CLIP4: variants seen among roughly 807,000 people sequenced by gnomAD.
The protein encoded by CLIP4 is CAP-Gly domain containing linker protein family member 4, also known as CAP-Gly domain-containing linker protein 4.
A neutral mutation model predicts 73.1 loss-of-function variants in CLIP4; 47 were observed. The ratio of observed to expected loss-of-function variants is 0.64; its 90% CI spans 0.51 to 0.82. The LOEUF is 0.82. Among genes scored for constraint, CLIP4 ranks in the 40% least tolerant of loss-of-function variants. CLIP4 has a pLI of 0.00. For missense variants in CLIP4, 874 were observed against 852.9 expected (o/e 1.02, Z -0.31); for synonymous variants, 306 against 295.4 (o/e 1.04, Z -0.37).
At chr2:29,109,708 T>C (rs1668335213) in intron 1 of CLIP4, among the ~76,000 whole-genome samples, 2 of 152,104 alleles carry the variant, frequency 1.3e-5, no homozygotes, top group East Asian at 1.9e-4. Context: ...TGTAGGAACA[T>C]GCAAATTCCT....
intron 2 of CLIP4, among the ~76,000 whole-genome samples, chr2:29,124,593 GTTGT>G: frequency 1.0e-5 from 1 of 96,254 alleles, no homozygotes; most frequent in Middle Eastern, 4.5e-3. Flanking sequence ...ACTGCTTGAA[GTTGT>G]CCCATAACTC....
upstream of CLIP4, chr2:29,115,183 G>C (rs1668511241): frequency 6.6e-6 from 1 of 152,458 alleles, no homozygotes; most frequent in Non-Finnish European, 1.5e-5. The surrounding 1 kb of genome is among the most constrained non-coding windows in gnomAD (Gnocchi z 5.1). Context: ...GCAGCTGGTG[G>C]GGGCGCCGCA....
intron 6 of CLIP4, 45 bp from the exon 7 acceptor site, chr2:29,143,664 G>T (rs746874503): frequency 8.0e-7 from 1 of 1,257,166 alleles, no homozygotes; most frequent in Admixed American, 1.7e-5. Flanking sequence ...ACTTTCTAGT[G>T]CTCTAAGTAA....
At chr2:29,146,152 T>C (rs1666150675) in intron 8 of CLIP4, among the ~76,000 whole-genome samples, 2 of 152,260 alleles carry the variant, frequency 1.3e-5, no homozygotes, top group East Asian at 1.9e-4. Context: ...GAGGGGTTTT[T>C]TCGTTAGTAG....
chr2:29,170,380 C>G (rs1424698548), intron 14 of CLIP4, among the ~76,000 whole-genome samples: 1 of 152,194 alleles, frequency 6.6e-6, no homozygotes, highest in African/African-American at 2.4e-5. Context: ...CAACAGCATA[C>G]AACAGTGTCC....
intron 1 of CLIP4, among the ~76,000 whole-genome samples, chr2:29,106,599 G>A (rs1668213949): frequency 6.6e-6 from 1 of 152,178 alleles, no homozygotes; most frequent in African/African-American, 2.4e-5. Context: ...GCAGAGAGAG[G>A]TGATTCTGGG....
At chr2:29,142,234 A>G (rs1572937959) in intron 6 of CLIP4, among the ~76,000 whole-genome samples, 1 of 152,078 alleles carries the variant, frequency 6.6e-6, no homozygotes, top group African/African-American at 2.4e-5. Context: ...GAATTCCACA[A>G]TTGATCATGA....
rs967581613 is a variant in CLIP4, at chr2:29,182,661, A to G, written c.*768A>G. 4.6e-5 allele frequency: 7 copies of G among 152,612 alleles called. No individual in the cohort carries two copies. Among genetic ancestry groups the G allele is most frequent in the Admixed American group, 2.0e-4 (3 of 15,270 alleles). The allele number at this position is 152,612 out of a possible 1,614,324, so 9.5% of individuals were successfully genotyped here. On this transcript the variant is annotated 3_prime_UTR_variant, in exon 16 of 16. Coordinates refer to ENST00000320081, the MANE Select transcript of CLIP4 (RefSeq NM_024692.6). ...TTTTCTTCTGCTGCTTGACTGCTTC[A>G]TCTGGATGAACTACAAAAAACCCAT...
chr2:29,171,662 G>A (rs968795584), intron 14 of CLIP4, among the ~76,000 whole-genome samples: 2 of 151,930 alleles, frequency 1.3e-5, no homozygotes, highest in African/African-American at 4.8e-5. Flanking sequence ...GGGACTACAG[G>A]CACCCACCAC....
chr2:29,142,875 A>G (rs1224617283), intron 6 of CLIP4, among the ~76,000 whole-genome samples: 2 of 152,252 alleles, frequency 1.3e-5, no homozygotes, highest in African/African-American at 4.8e-5. Context: ...CAGATAATTC[A>G]TATGATAGGG....
At position 29,165,817 on chromosome 2, in the gene CLIP4, G is replaced by A. The variant is rs532161076; in HGVS notation, c.1659-1659G>A. ...AGTTCAGTGGTTTTATGCTGTAACA[G>A]CTTTTTCCTCCTCCTTTACGTTGTC... is the stretch of plus-strand genomic sequence containing the variant. On this transcript the variant is annotated intron_variant, in intron 13 of 15. Coordinates refer to ENST00000320081, the MANE Select transcript of CLIP4 (RefSeq NM_024692.6). Among the ~76,000 whole-genome samples the A allele has an allele frequency of 1.3e-3, 196 of 152,240 alleles. 1 individual carries two copies. Among genetic ancestry groups the A allele is most frequent in the Non-Finnish European group, 2.3e-3 (159 of 68,000 alleles).
chr2:29,139,195 G>C lies in CLIP4; in HGVS notation c.648+3529G>C, dbSNP rs537924272. ...TTCCTTCAATGCCTAATTTGTTGAAGGTTTTTTTTTTTTATCATGAAGGGG... is the reference window on the plus strand; with the variant it reads ...TTCCTTCAATGCCTAATTTGTTGAACGTTTTTTTTTTTTATCATGAAGGGG... On this transcript the variant is annotated intron_variant, in intron 6 of 15. Coordinates refer to ENST00000320081, the MANE Select transcript of CLIP4 (RefSeq NM_024692.6). Among the ~76,000 whole-genome samples the C allele has an allele frequency of 4.5e-3, 550 of 121,440 alleles. 3 individuals are homozygous for C. The highest frequency in any genetic ancestry group is 0.018 in the African/African-American group (518 of 28,050). The allele number at this position is 121,440 out of a possible 152,430, so 79.7% of individuals were successfully genotyped here. A position where few individuals can be genotyped will look rare whatever the true frequency, so the allele number is the denominator to read the frequency against.
At chr2:29,156,271 T>C (rs1197586879) in intron 9 of CLIP4, 83 bp from the exon 10 acceptor site, 1 of 824,664 alleles carries the variant, frequency 1.2e-6, no homozygotes, top group Non-Finnish European at 1.8e-6. Context: ...ATTTCGATAA[T>C]GAGGGATGCA....
chr2:29,116,985 CTCTT>C (rs1487317968), intron 1 of CLIP4, among the ~76,000 whole-genome samples: 14 of 152,346 alleles, frequency 9.2e-5, no homozygotes, highest in African/African-American at 2.9e-4. Context: ...ATCAACTTCA[CTCTT>C]TCTCCCTGTT....
In CLIP4 at chr2:29,119,888, T is replaced by C. The variant is rs553951575; in HGVS notation, c.-15-1486T>C. Among the ~76,000 whole-genome samples, 7 of 152,340 alleles carry C rather than the reference T, an allele frequency of 4.6e-5. No homozygotes were observed. The South Asian group carries it at 1.5e-3, about 32-fold the overall frequency. ...GCAGATCCCATTCTGCCTCATAATCTATAGTTATTAGTGGTATTTTATTCA... is the reference window on the plus strand; with the variant it reads ...GCAGATCCCATTCTGCCTCATAATCCATAGTTATTAGTGGTATTTTATTCA... On this transcript the variant is annotated intron_variant, in intron 1 of 15. Coordinates refer to ENST00000320081, the MANE Select transcript of CLIP4 (RefSeq NM_024692.6).
At chr2:29,167,355 G>T in intron 13 of CLIP4, 121 bp from the exon 14 acceptor site, 2 of 520,208 alleles carry the variant, frequency 3.8e-6, no homozygotes, top group Non-Finnish European at 6.7e-6. Flanking sequence ...GCTTAAAATG[G>T]ACCCTCCATA....
chr2:29,133,934 A>G (rs1203797729), intron 5 of CLIP4, 118 bp downstream of exon 5: 2 of 785,828 alleles, frequency 2.5e-6, no homozygotes, highest in East Asian at 2.8e-5. Context: ...ATGCCTTTCT[A>G]CTCCATTTTA....
intron 2 of CLIP4, among the ~76,000 whole-genome samples, chr2:29,122,174 T>A (rs1351052234): frequency 6.6e-6 from 1 of 152,166 alleles, no homozygotes; most frequent in African/African-American, 2.4e-5. Context: ...TATAAAGTTA[T>A]TGGACTGAGA....
intron 1 of CLIP4, among the ~76,000 whole-genome samples, chr2:29,099,871 T>A (rs1226465263): frequency 1.3e-5 from 2 of 152,232 alleles, no homozygotes; most frequent in Non-Finnish European, 2.9e-5. Context: ...ATCAGAATTT[T>A]ATCATTTTCC....
Sources: gnomAD v4.1 joint callset for allele counts (sites outside exome capture counted in the v4.1 genomes callset) on GRCh38, gnomAD v4.1.1 for gene constraint, Gnocchi (gnomAD v3.1) non-coding constraint, MANE v1.5 for transcripts, NCBI Gene and HGNC (gene_info 2026-07-23, HGNC 2026-07-21) for gene names.